NAV1: variants seen among roughly 807,000 people sequenced by gnomAD.
NAV1 encodes neuron navigator 1, also known as pore membrane and/or filament interacting like protein 3.
In NAV1, 18 loss-of-function variants were observed where a neutral mutation model predicts 175.2. The observed-to-expected ratio is 0.10, with a 90% confidence interval of 0.07 to 0.15. The LOEUF is 0.15. Ranked by LOEUF, NAV1 falls within the 10% of genes least tolerant of loss-of-function variation. The pLI is 1.00. For missense variants in NAV1, 1,731 were observed against 2,436.6 expected (o/e 0.71, Z 6.10); for synonymous variants, 897 against 978.7 (o/e 0.92, Z 1.56).
chr1:201,543,896 A>AT (rs1665592468), intron 1 of NAV1, among the ~76,000 whole-genome samples: 1 of 152,196 alleles, frequency 6.6e-6, no homozygotes, highest in East Asian at 1.9e-4. Context: ...ATTTGTGAAC[A>AT]TTTTTTAATA....
intron 7 of NAV1, 72 bp from the exon 12 acceptor site, chr1:201,785,224 CACCAATGGTCCTAA>C: frequency 6.9e-7 from 1 of 1,448,748 alleles, no homozygotes. Context: ...GCATACCTCA[CACCAATGGTCCTAA>C]ACTCTAGTTC....
chr1:201,675,567 A>C (rs754109294), intron 1 of NAV1, among the ~76,000 whole-genome samples: 1 of 152,222 alleles, frequency 6.6e-6, no homozygotes. Flanking sequence ...TGAACCAGGC[A>C]CTTGGTAAGG....
At chr1:201,620,304 C>T (rs1230762606), upstream of NAV1, among the ~76,000 whole-genome samples, 1 of 152,184 alleles carries the variant, frequency 6.6e-6, no homozygotes, top group Non-Finnish European at 1.5e-5. Flanking sequence ...CCTTTGTCTT[C>T]ATCTTCATCC....
chr1:201,629,544 G>A (rs1189694095), intron 2 of NAV1, 37 bp downstream of exon 4: 23 of 1,280,652 alleles, frequency 1.8e-5, no homozygotes, highest in Non-Finnish European at 2.3e-5. Flanking sequence ...CTAGGGTCGG[G>A]AGGCCACTGT....
chr1:201,565,443 G>A (rs58946049), intron 1 of NAV1, among the ~76,000 whole-genome samples: 6 of 152,098 alleles, frequency 3.9e-5, no homozygotes, highest in African/African-American at 1.2e-4. Context: ...ACTCCAGGCC[G>A]AGGAGGCACA....
rs1232794432 is a variant in NAV1 at position 201,810,075 on chromosome 1, G to A, written c.4531G>A (p.Gly1511Ser). 1 of 1,613,778 alleles carries A rather than the reference G, an allele frequency of 6.2e-7. No individual in the cohort carries two copies. The stretch of plus-strand genomic sequence containing the variant: ...CCCCGAGATGCCTCCTTGCCGTCGA[G>A]GTGTCAATAACATATCAGTCTCCCT... The change falls in exon 23 of 30, where the codon GGT becomes AGT. Residue 1511 changes from glycine (G) to serine (S), a missense_variant. Physicochemically the swap from Gly to Ser is moderately conservative, Grantham distance 56. This residue lies in a region of NAV1 where 36 missense variants were observed against 45.3 expected (regional missense o/e 0.80). Transcript: ENST00000367296. This position sits in a 1 kb window ranked among gnomAD's most constrained non-coding sequence, Gnocchi z 6.0.
intron 3 of NAV1, among the ~76,000 whole-genome samples, chr1:201,780,134 C>T (rs1020118176): frequency 1.4e-4 from 22 of 152,042 alleles, no homozygotes; most frequent in Non-Finnish European, 4.4e-5. Context: ...TAGATTGATC[C>T]AAAAATTACC....
chr1:201,742,965 A>G (rs1673526660), intron 3 of NAV1, among the ~76,000 whole-genome samples: 1 of 152,174 alleles, frequency 6.6e-6, no homozygotes, highest in Non-Finnish European at 1.5e-5. Flanking sequence ...CATCTCAGCT[A>G]ATCACCTTTT....
chr1:201,739,672 C>T, intron 3 of NAV1: 1 of 626,178 alleles, frequency 1.6e-6, no homozygotes. Context: ...AGCCCCCAGC[C>T]CCGTCGGCAC....
At chr1:201,729,451 GCCAACATGGTGAAACCCCATTT>G in intron 3 of NAV1, among the ~76,000 whole-genome samples, 1 of 152,082 alleles carries the variant, frequency 6.6e-6, no homozygotes, top group East Asian at 1.9e-4. Flanking sequence ...GACCAGCCTG[GCCAACATGGTGAAACCCCATTT>G]CTACTAAAAA....
At chr1:201,759,285 G>A (rs1674695436) in intron 3 of NAV1, among the ~76,000 whole-genome samples, 1 of 152,232 alleles carries the variant, frequency 6.6e-6, no homozygotes, top group South Asian at 2.1e-4. Flanking sequence ...GGTTTCCACA[G>A]TGCATTAGTT....
At position 201,813,263 on chromosome 1, in the gene NAV1, G is replaced by A; in HGVS notation, c.5340+5G>A. On this transcript the variant is annotated splice_donor_5th_base_variant and intron_variant, in intron 28 of 29. Coordinates refer to ENST00000367296, the Ensembl canonical transcript of NAV1. The surrounding 1 kb of genome is among the most constrained non-coding windows in gnomAD (Gnocchi z 4.2). ...GGAGCCAAGGATGGGATAAAGGTGA[G>A]CCCTACCCCCTTCACTCAAACCCTA... is the stretch of plus-strand genomic sequence containing the variant. The A allele has an allele frequency of 6.3e-7, 1 of 1,574,960 alleles. No homozygotes were observed. Among genetic ancestry groups the A allele is most frequent in the Non-Finnish European group, 8.7e-7 (1 of 1,146,302 alleles).
intron 1 of NAV1, among the ~76,000 whole-genome samples, chr1:201,558,740 G>A (rs1480803494): frequency 3.3e-5 from 5 of 151,920 alleles, no homozygotes; most frequent in African/African-American, 4.9e-5. Flanking sequence ...GTGAGCCACC[G>A]CGCCCGGCAC....
At chr1:201,732,197 C>T (rs1672890347) in intron 3 of NAV1, among the ~76,000 whole-genome samples, 1 of 152,130 alleles carries the variant, frequency 6.6e-6, no homozygotes, top group South Asian at 2.1e-4. Flanking sequence ...GCAGCCTTGA[C>T]TTCTTGGGCC....
chr1:201,797,414 T>A (rs1328406314), intron 15 of NAV1: 1 of 152,214 alleles, frequency 6.6e-6, no homozygotes, highest in Non-Finnish European at 1.5e-5. Context: ...ATTGTTTTGA[T>A]TACTGTAGCT....
chr1:201,558,730 G>A (rs184897861), intron 1 of NAV1, among the ~76,000 whole-genome samples: 6 of 152,304 alleles, frequency 3.9e-5, no homozygotes, highest in East Asian at 1.9e-4. Context: ...GATTACAGGC[G>A]TGAGCCACCG....
intron 3 of NAV1, among the ~76,000 whole-genome samples, chr1:201,726,493 T>A (rs961921899): frequency 6.6e-6 from 1 of 151,662 alleles, no homozygotes; most frequent in Admixed American, 6.6e-5. Context: ...CTACTAAAAA[T>A]ACAAAATTAG....
chr1:201,794,636 A>G, intron 15 of NAV1, 59 bp downstream of exon 19: 1 of 1,461,170 alleles, frequency 6.8e-7, no homozygotes, highest in Non-Finnish European at 9.6e-7. Context: ...AGAGTATTAC[A>G]GATTTTTATC....
intron 3 of NAV1, among the ~76,000 whole-genome samples, chr1:201,769,517 G>T (rs186136811): frequency 6.6e-6 from 1 of 152,304 alleles, no homozygotes; most frequent in Admixed American, 6.5e-5. Flanking sequence ...TAGTGATGGG[G>T]ACTGAAAAGC....
Sources: gnomAD v4.1 joint callset for allele counts (sites outside exome capture counted in the v4.1 genomes callset) on GRCh38, gnomAD v4.1.1 for gene constraint, gnomAD v4.1.1 regional missense constraint, Gnocchi (gnomAD v3.1) non-coding constraint, MANE v1.5 for transcripts, NCBI Gene and HGNC (gene_info 2026-07-23, HGNC 2026-07-21) for gene names.